INSL6: variants seen among roughly 807,000 people sequenced by gnomAD.
INSL6 encodes insulin like 6.
INSL6 carries 16 observed loss-of-function variants against 9.4 expected under a neutral mutation model. The ratio of observed to expected loss-of-function variants is 1.70; its 90% CI spans 1.15 to 2.59. The LOEUF is 2.59. INSL6 is among the 30% of genes most tolerant of loss of function. The pLI, the probability that INSL6 is intolerant of heterozygous loss-of-function variation, is 0.00. For synonymous variants in INSL6, 154 were observed against 96.9 expected (o/e 1.59, Z -3.46); for missense variants, 391 against 257.3 (o/e 1.52, Z -3.56).
chr9:5,130,822 G>A (rs1002204045), intron 3 of INSL6, among the ~76,000 whole-genome samples: 5 of 150,730 alleles, frequency 3.3e-5, no homozygotes, highest in African/African-American at 9.8e-5. Flanking sequence ...TCCGCCTCCC[G>A]GGTTCATGCC....
chr9:5,077,407 A>G, the INSL6 span: 1 of 655,588 alleles, frequency 1.5e-6, no homozygotes, highest in South Asian at 5.9e-5. Flanking sequence ...ATATTTAATT[A>G]TATTTATACT....
the INSL6 span, chr9:5,050,723 C>G: frequency 2.3e-5 from 37 of 1,613,586 alleles, 1 homozygote; most frequent in Middle Eastern, 6.6e-4. Flanking sequence ...ATAAAAGTAC[C>G]TGTGACTCAT....
the INSL6 span, among the ~76,000 whole-genome samples, chr9:5,032,040 A>T: frequency 2.0e-5 from 3 of 152,190 alleles, no homozygotes; most frequent in African/African-American, 7.2e-5. Flanking sequence ...CGGCACCTGG[A>T]AAATCGGGTC....
chr9:5,094,048 G>A, the INSL6 span: 2 of 152,246 alleles, frequency 1.3e-5, no homozygotes, highest in South Asian at 4.2e-4. Flanking sequence ...CCTGGCAATA[G>A]CATAAAACGT....
At chr9:5,167,068 T>C (rs1825070100) in intron 1 of INSL6, among the ~76,000 whole-genome samples, 3 of 151,620 alleles carry the variant, frequency 2.0e-5, no homozygotes, top group Admixed American at 1.3e-4. Context: ...GTTCTCTCAT[T>C]GGGACTGACT....
At chr9:5,109,083 T>G in the INSL6 span, 21 of 152,128 alleles carry the variant, frequency 1.4e-4, no homozygotes, top group Non-Finnish European at 1.8e-4. Flanking sequence ...ATTCTCCTGA[T>G]CAAACATCAC....
chr9:5,084,986 A>T, the INSL6 span: 1 of 812,040 alleles, frequency 1.2e-6, no homozygotes, highest in Middle Eastern at 2.5e-4. Context: ...GAAAGAACAG[A>T]AAGAGTTGTC....
At chr9:5,157,367 A>G (rs927226825) in intron 2 of INSL6, among the ~76,000 whole-genome samples, 5 of 152,194 alleles carry the variant, frequency 3.3e-5, no homozygotes, top group African/African-American at 9.6e-5. Flanking sequence ...ATCTATAGTA[A>G]TCAAGAAAGT....
chr9:5,142,306 T>C (rs1824516687), intron 2 of INSL6, among the ~76,000 whole-genome samples: 1 of 152,208 alleles, frequency 6.6e-6, no homozygotes, highest in African/African-American at 2.4e-5. Flanking sequence ...CTTTGGGCAG[T>C]AGGGCCATTT....
chr9:5,133,598 G>C (rs1472605322), intron 2 of INSL6: 1 of 152,586 alleles, frequency 6.6e-6, no homozygotes, highest in Admixed American at 6.5e-5. Context: ...CAGACCTGCA[G>C]CACAGGGGCC....
At chr9:5,085,238 G>T in the INSL6 span, 1 of 672,088 alleles carries the variant, frequency 1.5e-6, no homozygotes, top group Non-Finnish European at 2.9e-6. Flanking sequence ...AATAGGACAG[G>T]ACCAGTGGCT....
chr9:5,005,091 T>G, the INSL6 span, among the ~76,000 whole-genome samples: 2 of 16,288 alleles, frequency 1.2e-4, no homozygotes, highest in African/African-American at 6.4e-4. Flanking sequence ...TAATTTTTTT[T>G]TTTTTTTTTT....
At chr9:5,071,650 G>A in the INSL6 span, among the ~76,000 whole-genome samples, 1 of 152,116 alleles carries the variant, frequency 6.6e-6, no homozygotes, top group African/African-American at 2.4e-5. Context: ...ATATGAAAGA[G>A]GGATTAAGTG....
chr9:5,144,562 C>A (rs894576882), intron 2 of INSL6, among the ~76,000 whole-genome samples: 2 of 152,128 alleles, frequency 1.3e-5, no homozygotes, highest in African/African-American at 4.8e-5. Context: ...TCTTGATGAT[C>A]TAATATTGTC....
At chr9:5,085,029 TG>T in the INSL6 span, 2 of 818,750 alleles carry the variant, frequency 2.4e-6, no homozygotes, top group Non-Finnish European at 4.0e-6. Context: ...TTCTGAAAGT[TG>T]AATGAGGGCG....
At chr9:5,122,642 T>C (rs1472506451), downstream of INSL6, among the ~76,000 whole-genome samples, 3 of 152,082 alleles carry the variant, frequency 2.0e-5, no homozygotes, top group African/African-American at 7.2e-5. Context: ...TATATCCATA[T>C]TCATGGTTAT....
chr9:5,006,420 A>G, the INSL6 span, among the ~76,000 whole-genome samples: 1 of 152,146 alleles, frequency 6.6e-6, no homozygotes, highest in Admixed American at 6.5e-5. Context: ...TAGATATACA[A>G]TCATGGTATA....
the INSL6 span, chr9:5,112,890 C>T: frequency 5.4e-6 from 2 of 368,900 alleles, no homozygotes; most frequent in Non-Finnish European, 9.1e-6. Flanking sequence ...CCCTCAGCCC[C>T]GTGGGCTGGG....
intron 3 of INSL6, among the ~76,000 whole-genome samples, chr9:5,124,672 A>G (rs903194490): frequency 6.6e-6 from 1 of 151,966 alleles, no homozygotes; most frequent in East Asian, 1.9e-4. Context: ...ATAAGGCTAC[A>G]GTAACCAAAG....
Sources: gnomAD v4.1 joint callset for allele counts (sites outside exome capture counted in the v4.1 genomes callset) on GRCh38, gnomAD v4.1.1 for gene constraint, MANE v1.5 for transcripts, NCBI Gene and HGNC (gene_info 2026-07-23, HGNC 2026-07-21) for gene names.